TENM2: variants seen among roughly 807,000 people sequenced by gnomAD.
TENM2 encodes the protein teneurin transmembrane protein 2.
TENM2 carries 52 observed loss-of-function variants against 245.2 expected under a neutral mutation model. The observed-to-expected ratio is 0.21, with a 90% confidence interval of 0.17 to 0.27. TENM2 has a LOEUF of 0.27. Among genes scored for constraint, TENM2 ranks in the 10% least tolerant of loss-of-function variants. The pLI, the probability that TENM2 is intolerant of heterozygous loss-of-function variation, is 1.00. For missense variants in TENM2, 3,046 were observed against 3,666.8 expected, an observed-to-expected ratio of 0.83 and a Z score of 4.37; for synonymous variants, 1,363 against 1,438.9, an observed-to-expected ratio of 0.95 and a Z score of 1.19.
intron 2 of TENM2, among the ~76,000 whole-genome samples, chr5:167,685,668 C>T (rs1320866672): frequency 6.6e-6 from 1 of 152,150 alleles, no homozygotes; most frequent in African/African-American, 2.4e-5. Context: ...TTACCCTGAA[C>T]ATCATCAAAA....
chr5:167,992,844 G>A, intron 4 of TENM2, 100 bp from the exon 7 acceptor site: 1 of 848,122 alleles, frequency 1.2e-6, no homozygotes, highest in Non-Finnish European at 1.9e-6. Context: ...AGTTAACTAG[G>A]ATTATGCTAG....
chr5:168,153,909 T>C (rs558821237), intron 12 of TENM2, among the ~76,000 whole-genome samples: 3 of 152,120 alleles, frequency 2.0e-5, no homozygotes, highest in South Asian at 4.2e-4. Flanking sequence ...ATGGCATGAG[T>C]TGGGGTGCGT....
the TENM2 span, among the ~76,000 whole-genome samples, chr5:167,030,276 T>A: frequency 6.6e-6 from 1 of 152,212 alleles, no homozygotes; most frequent in South Asian, 2.1e-4. Flanking sequence ...TTGTTTCAAA[T>A]GTTTCGTTGT....
At chr5:167,774,180 AGAAG>A (rs2150783455) in intron 2 of TENM2, among the ~76,000 whole-genome samples, 1 of 99,498 alleles carries the variant, frequency 1.0e-5, no homozygotes, top group Admixed American at 1.2e-4. Context: ...AAGGAAGGAA[AGAAG>A]GGAGGGAGGG....
chr5:168,006,118 A>T (rs1180291254), intron 5 of TENM2, among the ~76,000 whole-genome samples: 2 of 152,172 alleles, frequency 1.3e-5, no homozygotes, highest in Non-Finnish European at 2.9e-5. Context: ...GCCAGTTCTT[A>T]TGTTTCCACT....
chr5:167,859,506 T>TG (rs1425479872), intron 2 of TENM2, among the ~76,000 whole-genome samples: 3 of 73,852 alleles, frequency 4.1e-5, no homozygotes, highest in Non-Finnish European at 2.6e-5. Flanking sequence ...GGGAGGGAGA[T>TG]GGGGGGGTCA....
rs756248311 is a variant in TENM2, at chr5:168,247,017, C to G, written c.6078C>G (p.Ser2026=). 1 of 1,613,978 alleles carries G rather than the reference C, an allele frequency of 6.2e-7. No homozygotes were observed. The highest frequency in any genetic ancestry group is 8.5e-7 in the Non-Finnish European group (1 of 1,179,898). Residue 2026 remains serine (S), a synonymous_variant, in exon 27 of 29, where the codon TCC becomes TCG. Coordinates refer to ENST00000518659, the Ensembl canonical transcript of TENM2. This position sits in a 1 kb window ranked among gnomAD's most constrained non-coding sequence, Gnocchi z 7.8. ...TGTTCTACAAGTATGGGAAACTCTC[C>G]AAGTTATCAGAGATTGTCTACGACA...
chr5:168,070,959 AG>A (rs1453764627), intron 7 of TENM2, among the ~76,000 whole-genome samples: 1 of 146,530 alleles, frequency 6.8e-6, no homozygotes, highest in Non-Finnish European at 1.5e-5. Context: ...AGGAAAGGAA[AG>A]GAAGGGAAAG....
Position 167,551,837 on chromosome 5 carries a change from G to C in TENM2, c.502+176364G>C, listed in dbSNP as rs534115712. Reference sequence around the variant, plus strand: ...AGGTTCCCAGATTGCTCCTTATTGGGACAGCTAAAGGCAATCTCTGCAGTA... The same window carrying C: ...AGGTTCCCAGATTGCTCCTTATTGGCACAGCTAAAGGCAATCTCTGCAGTA... On this transcript the variant is annotated intron_variant, in intron 2 of 28. Coordinates refer to ENST00000518659, the Ensembl canonical transcript of TENM2. Among the ~76,000 whole-genome samples the C allele has an allele frequency of 3.3e-5, 5 of 152,226 alleles. No homozygotes were observed. In the East Asian group the frequency reaches 9.7e-4, roughly 29 times the overall value.
At chr5:167,133,892 TG>T in the TENM2 span, among the ~76,000 whole-genome samples, 1 of 152,186 alleles carries the variant, frequency 6.6e-6, no homozygotes, top group Non-Finnish European at 1.5e-5. Context: ...CCACAAAATT[TG>T]TAAAGTTAAC....
intron 2 of TENM2, among the ~76,000 whole-genome samples, chr5:167,533,988 C>G (rs552708631): frequency 3.3e-5 from 5 of 152,268 alleles, no homozygotes; most frequent in South Asian, 4.1e-4. Context: ...GAAGAAGCAA[C>G]AAGCTTGAGG....
At chr5:168,061,916 G>A (rs1790071432) in intron 6 of TENM2, 144 bp from the exon 9 acceptor site, 14 of 747,480 alleles carry the variant, frequency 1.9e-5, no homozygotes, top group East Asian at 8.1e-5. Context: ...TGTTTTAGCT[G>A]TAACTTAAAA....
chr5:167,521,629 T>G (rs1395415524), intron 2 of TENM2, among the ~76,000 whole-genome samples: 1 of 152,170 alleles, frequency 6.6e-6, no homozygotes, highest in Non-Finnish European at 1.5e-5. Context: ...TATTATTTCA[T>G]GAATGAGTTC....
At chr5:167,486,454 G>T (rs1222355456) in intron 2 of TENM2, among the ~76,000 whole-genome samples, 1 of 151,366 alleles carries the variant, frequency 6.6e-6, no homozygotes, top group Middle Eastern at 3.2e-3. Flanking sequence ...TCAGCCTCCC[G>T]AGTAGCTGGG....
chr5:167,178,887 C>T, the TENM2 span, among the ~76,000 whole-genome samples: 1 of 152,114 alleles, frequency 6.6e-6, no homozygotes, highest in African/African-American at 2.4e-5. Flanking sequence ...AATTATCCAA[C>T]TTTTTCTTGT....
intron 2 of TENM2, among the ~76,000 whole-genome samples, chr5:167,659,302 T>C (rs1463249261): frequency 1.3e-5 from 2 of 152,226 alleles, no homozygotes; most frequent in Non-Finnish European, 1.5e-5. Flanking sequence ...CTATTATAAG[T>C]ATTGTTTTAA....
the TENM2 span, among the ~76,000 whole-genome samples, chr5:167,273,953 G>T: frequency 3.3e-5 from 5 of 152,084 alleles, no homozygotes; most frequent in African/African-American, 1.2e-4. Context: ...TATGCAGCCA[G>T]AAGGAAGTAA....
At chr5:167,046,145 G>A in the TENM2 span, among the ~76,000 whole-genome samples, 41,112 of 151,926 alleles carry the variant, frequency 0.27, 9,752 homozygotes, top group African/African-American at 0.64. Context: ...GGAAAAAAAA[G>A]GTACTGTGGT....
At chr5:167,286,519 A>G (rs1771361355) in intron 1 of TENM2, among the ~76,000 whole-genome samples, 2 of 152,232 alleles carry the variant, frequency 1.3e-5, no homozygotes, top group South Asian at 2.1e-4. Flanking sequence ...TACATTTCCA[A>G]TATAATAAAA....
Sources: allele counts gnomAD v4.1 joint callset (sites outside exome capture counted in the v4.1 genomes callset), GRCh38; gene constraint gnomAD v4.1.1; non-coding constraint Gnocchi (gnomAD v3.1); transcripts MANE v1.5; gene names NCBI Gene and HGNC (gene_info 2026-07-23, HGNC 2026-07-21).